The following FILIP1L variants were observed in gnomAD, a reference collection of about 807,000 sequenced individuals.
FILIP1L encodes filamin A-interacting protein 1-like.
FILIP1L carries 55 observed loss-of-function variants against 96.6 expected under a neutral mutation model. The observed-to-expected ratio is 0.57, with a 90% CI of 0.46 to 0.71. The LOEUF is 0.71. FILIP1L is among the 30% of genes least tolerant of loss of function. The pLI is 0.00. For synonymous variants in FILIP1L, 467 were observed against 473.9 expected, an observed-to-expected ratio of 0.99 and a Z score of 0.19; for missense variants, 1,304 against 1,321.2, an observed-to-expected ratio of 0.99 and a Z score of 0.20.
At chr3:99,832,871 T>G (rs1360582790) in intron 5 of FILIP1L, among the ~76,000 whole-genome samples, 1 of 150,130 alleles carries the variant, frequency 6.7e-6, no homozygotes, top group Non-Finnish European at 1.5e-5. Flanking sequence ...GTTTTTTTTT[T>G]TTTTCTTGTA....
At chr3:99,881,391 A>C (rs573331760) in intron 4 of FILIP1L, among the ~76,000 whole-genome samples, 21 of 152,182 alleles carry the variant, frequency 1.4e-4, no homozygotes, top group Admixed American at 1.2e-3. Flanking sequence ...GTGAAAAAAA[A>C]CCCCCAAATC....
intron 1 of FILIP1L, among the ~76,000 whole-genome samples, chr3:99,954,729 G>C (rs1708270599): frequency 6.6e-6 from 1 of 152,058 alleles, no homozygotes; most frequent in African/African-American, 2.4e-5. Context: ...AGGAGGCTGA[G>C]GCAGGAGAAT....
At chr3:100,077,118 G>A (rs1241713522) in intron 1 of FILIP1L, among the ~76,000 whole-genome samples, 13 of 152,316 alleles carry the variant, frequency 8.5e-5, no homozygotes, top group Admixed American at 6.5e-4. Flanking sequence ...TGCATTTAGC[G>A]TCCTTTGAAA....
intron 3 of FILIP1L, among the ~76,000 whole-genome samples, chr3:99,929,475 G>GT (rs992616648): frequency 3.3e-4 from 50 of 151,748 alleles, no homozygotes; most frequent in Admixed American, 2.4e-3. Context: ...TGAACTTTAT[G>GT]TTTTTTATTA....
intron 5 of FILIP1L, among the ~76,000 whole-genome samples, chr3:99,841,450 CG>C (rs1326238618): frequency 6.6e-6 from 1 of 152,178 alleles, no homozygotes; most frequent in Non-Finnish European, 1.5e-5. Context: ...GGTCCTCTCT[CG>C]GAAGTCTCAA....
intron 1 of FILIP1L, among the ~76,000 whole-genome samples, chr3:99,975,017 A>G (rs1708927946): frequency 6.6e-6 from 1 of 152,192 alleles, no homozygotes; most frequent in South Asian, 2.1e-4. Context: ...CAAAAGATCA[A>G]CAGTCATTAA....
At chr3:99,837,440 A>AG (rs1559650261) in intron 5 of FILIP1L, among the ~76,000 whole-genome samples, 1 of 131,716 alleles carries the variant, frequency 7.6e-6, no homozygotes, top group Non-Finnish European at 1.7e-5. Flanking sequence ...GAGAAGAGAG[A>AG]AAAAAAAAAA....
In FILIP1L at chr3:99,927,759, G is replaced by T. The variant is rs1576578697; in HGVS notation, c.426+2097C>A. 2.0e-5 allele frequency among the ~76,000 whole-genome samples: 3 copies of T among 151,896 alleles called. No individual in the cohort carries two copies. The South Asian group carries it at 6.3e-4, about 32-fold the overall frequency. On this transcript the variant is annotated intron_variant, in intron 3 of 5. Transcript: ENST00000477258. Reference sequence around the variant, plus strand: ...AATTAAGTTCTGATATAGAACCCTAGGCTGGAAAGGAATAGGAGGTCAAAA... The same window carrying T: ...AATTAAGTTCTGATATAGAACCCTATGCTGGAAAGGAATAGGAGGTCAAAA...
At position 99,829,430 on chromosome 3, in the gene FILIP1L, A is replaced by G. The variant is rs793470; in HGVS notation, c.*984T>C. On this transcript the variant is annotated 3_prime_UTR_variant, in exon 6 of 6. Coordinates refer to ENST00000477258, the MANE Select transcript of FILIP1L (RefSeq NM_001387850.1). ...CTGCCAGGGGACTGTGTCTACCCTT[A>G]TAGATGACTGTTTGAATTCAACATT... 0.66 allele frequency among the ~76,000 whole-genome samples: 100,636 copies of G among 152,034 alleles called. 33,389 individuals carry two copies. Among genetic ancestry groups the G allele is most frequent in the East Asian group, 0.81 (4,183 of 5,156 alleles).
intron 1 of FILIP1L, among the ~76,000 whole-genome samples, chr3:99,994,265 T>C (rs1312777604): frequency 5.3e-5 from 8 of 152,186 alleles, no homozygotes; most frequent in Non-Finnish European, 7.3e-5. Context: ...AAGAAAGAGA[T>C]AGATGGCAAT....
chr3:100,092,459 A>C (rs2066127268), intron 1 of FILIP1L, among the ~76,000 whole-genome samples: 2 of 152,032 alleles, frequency 1.3e-5, no homozygotes, highest in South Asian at 4.2e-4. Context: ...ATATGAATGT[A>C]GTTGGATTCT....
intron 4 of FILIP1L, among the ~76,000 whole-genome samples, chr3:99,891,000 C>A (rs1425600929): frequency 5.3e-5 from 8 of 151,798 alleles, no homozygotes; most frequent in African/African-American, 1.9e-4. Flanking sequence ...AGCCTAAAAT[C>A]TTTTTAAACT....
chr3:99,858,871 G>C (rs767253701), intron 4 of FILIP1L, among the ~76,000 whole-genome samples: 6 of 152,230 alleles, frequency 3.9e-5, no homozygotes, highest in Non-Finnish European at 7.3e-5. Context: ...AAAGCGTCTG[G>C]TTTGGGCTGT....
At chr3:100,057,836 C>G (rs904335569) in intron 1 of FILIP1L, among the ~76,000 whole-genome samples, 3 of 152,188 alleles carry the variant, frequency 2.0e-5, no homozygotes, top group Non-Finnish European at 4.4e-5. Flanking sequence ...CTGCCCTCAT[C>G]CTTGTTTAGA....
chr3:99,966,795 G>A (rs189125921), intron 1 of FILIP1L, among the ~76,000 whole-genome samples: 1 of 152,186 alleles, frequency 6.6e-6, no homozygotes, highest in African/African-American at 2.4e-5. Flanking sequence ...TATACAAGAC[G>A]TAACTGAAGA....
intron 4 of FILIP1L, among the ~76,000 whole-genome samples, chr3:99,872,610 A>T (rs189757870): frequency 3.2e-4 from 49 of 151,976 alleles, no homozygotes; most frequent in African/African-American, 1.2e-3. Flanking sequence ...AAGCTTGTTT[A>T]AAAAAAATTC....
rs139792965 is a variant in FILIP1L at position 99,893,456 on chromosome 3, C to T, written c.605+30774G>A. Among the ~76,000 whole-genome samples the T allele has an allele frequency of 4.4e-3, 666 of 152,190 alleles. 7 individuals are homozygous for T. The highest frequency in any genetic ancestry group is 0.016 in the African/African-American group (653 of 41,536). Reference sequence around the variant, plus strand: ...CTGGGATTACAGGCTTGAGCCACCTCGCCCAGCCGGCATCTAGACATTTTT... The same window carrying T: ...CTGGGATTACAGGCTTGAGCCACCTTGCCCAGCCGGCATCTAGACATTTTT... On this transcript the variant is annotated intron_variant, in intron 4 of 5. Coordinates refer to ENST00000477258, the MANE Select transcript of FILIP1L (RefSeq NM_001387850.1).
At chr3:100,094,603 G>A (rs994486450) in intron 1 of FILIP1L, among the ~76,000 whole-genome samples, 2 of 148,794 alleles carry the variant, frequency 1.3e-5, no homozygotes, top group Admixed American at 1.3e-4. Context: ...TAAGGTGGTA[G>A]ACTTGAGTTC....
intron 1 of FILIP1L, among the ~76,000 whole-genome samples, chr3:99,964,752 A>AG (rs1273566745): frequency 3.9e-5 from 6 of 152,146 alleles, no homozygotes; most frequent in African/African-American, 1.4e-4. Context: ...CCGAAGAAAG[A>AG]GGTCCCCTAG....
Sources: allele counts gnomAD v4.1 joint callset (sites outside exome capture counted in the v4.1 genomes callset), GRCh38; gene constraint gnomAD v4.1.1; transcripts MANE v1.5; gene names NCBI Gene and HGNC (gene_info 2026-07-23, HGNC 2026-07-21).